TBC1D14: variants seen among roughly 807,000 people sequenced by gnomAD.
TBC1D14 encodes the protein TBC1 domain family member 14.
In TBC1D14, 26 loss-of-function variants were observed where a neutral mutation model predicts 79.0. The ratio of observed to expected loss-of-function variants is 0.33; its 90% confidence interval spans 0.24 to 0.46. TBC1D14 has a LOEUF of 0.46. TBC1D14 is among the 20% of genes least tolerant of loss of function. TBC1D14 has a pLI of 1.00. For missense variants in TBC1D14, 769 were observed against 887.6 expected (o/e 0.87, Z 1.70); for synonymous variants, 394 against 349.9 (o/e 1.13, Z -1.40).
chr4:7,025,500 C>T (rs1313088592), intron 13 of TBC1D14, among the ~76,000 whole-genome samples: 2 of 152,348 alleles, frequency 1.3e-5, no homozygotes, highest in African/African-American at 4.8e-5. Context: ...TTCCCACCTC[C>T]TCTGCAGTGG....
At chr4:7,010,903 G>A (rs1720697632) in intron 11 of TBC1D14, 122 bp downstream of exon 11, 1 of 1,246,796 alleles carries the variant, frequency 8.0e-7, no homozygotes, top group Non-Finnish European at 1.1e-6. Flanking sequence ...GATGTTTAGA[G>A]TAAGCAGCAC....
intron 2 of TBC1D14, among the ~76,000 whole-genome samples, chr4:6,939,619 A>T (rs1244154630): frequency 6.6e-6 from 1 of 151,736 alleles, no homozygotes; most frequent in Non-Finnish European, 1.5e-5. Context: ...CGGTCAACAC[A>T]CCCACTTCTC....
chr4:6,926,561 T>A (rs1444069243), intron 2 of TBC1D14, among the ~76,000 whole-genome samples: 1 of 152,218 alleles, frequency 6.6e-6, no homozygotes, highest in Non-Finnish European at 1.5e-5. Context: ...CTGAACTACC[T>A]TTGGGAAGAT....
chr4:6,953,227 C>A, intron 2 of TBC1D14, among the ~76,000 whole-genome samples: 1 of 147,502 alleles, frequency 6.8e-6, no homozygotes, highest in East Asian at 2.1e-4. Flanking sequence ...GTTTCACCAT[C>A]TTGGCCAGGC....
intron 2 of TBC1D14, among the ~76,000 whole-genome samples, chr4:6,949,354 A>C (rs1376004996): frequency 2.0e-5 from 3 of 152,130 alleles, no homozygotes; most frequent in African/African-American, 7.2e-5. Context: ...TTGGGATTGC[A>C]TTGAATTTAT....
At chr4:6,957,716 G>A (rs866991992) in intron 2 of TBC1D14, among the ~76,000 whole-genome samples, 3 of 152,122 alleles carry the variant, frequency 2.0e-5, no homozygotes, top group Admixed American at 2.0e-4. Flanking sequence ...GTTCGAGACC[G>A]GCCTGGGCCA....
chr4:7,000,538 C>T (rs919463148), intron 6 of TBC1D14, among the ~76,000 whole-genome samples: 4 of 152,336 alleles, frequency 2.6e-5, no homozygotes, highest in Non-Finnish European at 4.4e-5. Context: ...AGAGGCACCA[C>T]GGGGGCCTGG....
chr4:7,019,564 A>T (rs1326484937), intron 12 of TBC1D14, among the ~76,000 whole-genome samples: 1 of 152,020 alleles, frequency 6.6e-6, no homozygotes, highest in Non-Finnish European at 1.5e-5. Context: ...AGGGAGGGGC[A>T]GCAGCCTGTG....
At chr4:7,009,528 C>T (rs768694105) in intron 9 of TBC1D14, among the ~76,000 whole-genome samples, 2 of 152,164 alleles carry the variant, frequency 1.3e-5, no homozygotes, top group Non-Finnish European at 2.9e-5. Flanking sequence ...TGAGTAGTCA[C>T]CTGCTTTGAA....
Position 6,950,296 on chromosome 4 carries a change from C to T in TBC1D14, c.723-17008C>T, listed in dbSNP as rs530204531. Among the ~76,000 whole-genome samples, 8 of 152,310 alleles carry T rather than the reference C, an allele frequency of 5.3e-5. No individual in the cohort carries two copies. In the South Asian group the frequency reaches 8.3e-4, roughly 16 times the overall value. On this transcript the variant is annotated intron_variant, in intron 2 of 13. Coordinates refer to ENST00000409757, the MANE Select transcript of TBC1D14 (RefSeq NM_020773.3). ...TTTTGTGTATAGGCCTTGCTAACTT[C>T]GGTTACTAATTCTAATAGCTTATCC...
intron 3 of TBC1D14, among the ~76,000 whole-genome samples, chr4:6,975,211 G>A (rs1304662873): frequency 1.3e-5 from 2 of 149,662 alleles, no homozygotes; most frequent in Non-Finnish European, 3.0e-5. Flanking sequence ...GCCGCGCCCG[G>A]CCTGTTTTTT....
At chr4:6,910,718 G>C (rs1307413610) in intron 1 of TBC1D14, 2 of 152,222 alleles carry the variant, frequency 1.3e-5, no homozygotes, top group Non-Finnish European at 2.9e-5. Context: ...GGACTCCAGA[G>C]CCAGCCTCTG....
At chr4:7,010,925 G>A in intron 11 of TBC1D14, 144 bp downstream of exon 11, 1 of 1,012,378 alleles carries the variant, frequency 9.9e-7, no homozygotes, top group South Asian at 1.9e-5. Flanking sequence ...GTAAGGTGGA[G>A]GATGATTTTG....
intron 3 of TBC1D14, among the ~76,000 whole-genome samples, chr4:6,971,573 G>GA: frequency 6.6e-6 from 1 of 152,206 alleles, no homozygotes; most frequent in South Asian, 2.1e-4. Flanking sequence ...TAACCTCGAT[G>GA]GTAGTTTGAG....
intron 2 of TBC1D14, among the ~76,000 whole-genome samples, chr4:6,944,619 G>A (rs1560268174): frequency 6.6e-6 from 1 of 152,212 alleles, no homozygotes; most frequent in East Asian, 1.9e-4. Flanking sequence ...TCCAAGCAGT[G>A]GCTGATGGGC....
chr4:7,010,166 G>A (rs928726574), intron 10 of TBC1D14, among the ~76,000 whole-genome samples: 1 of 152,134 alleles, frequency 6.6e-6, no homozygotes, highest in African/African-American at 2.4e-5. Flanking sequence ...CATTTTAATC[G>A]AATGCAATTT....
At chr4:6,997,106 C>T (rs974271310) in intron 5 of TBC1D14, 7 of 152,328 alleles carry the variant, frequency 4.6e-5, no homozygotes, top group African/African-American at 1.4e-4. Flanking sequence ...TCCCCTTCCC[C>T]ACTAGCACTC....
intron 13 of TBC1D14, among the ~76,000 whole-genome samples, chr4:7,025,955 T>A (rs1214824581): frequency 1.3e-5 from 2 of 152,196 alleles, no homozygotes; most frequent in African/African-American, 4.8e-5. Flanking sequence ...CTGCATACAC[T>A]CTGCATTGGT....
At chr4:6,996,296 TG>T (rs1719038093) in intron 4 of TBC1D14, 28 bp from the exon 5 acceptor site, 1 of 1,583,400 alleles carries the variant, frequency 6.3e-7, no homozygotes. Flanking sequence ...GTATTTATAA[TG>T]GTGAAAACTC....
Sources: gnomAD v4.1 joint callset for allele counts (sites outside exome capture counted in the v4.1 genomes callset) on GRCh38, gnomAD v4.1.1 for gene constraint, MANE v1.5 for transcripts, NCBI Gene and HGNC (gene_info 2026-07-23, HGNC 2026-07-21) for gene names.